Variants in BLOC1S2 observed in about 807,000 individuals in gnomAD.
BLOC1S2 encodes biogenesis of lysosomal organelles complex 1 subunit 2.
In BLOC1S2, 12 loss-of-function variants were observed where a neutral mutation model predicts 19.6. The ratio of observed to expected loss-of-function variants is 0.61; its 90% CI spans 0.39 to 0.99. The LOEUF (loss-of-function observed/expected upper bound fraction) is 0.99, where lower values mean the gene tolerates loss of function less well. Ranked by LOEUF, BLOC1S2 falls within the 50% of genes least tolerant of loss-of-function variation. The pLI is 0.00. For missense variants in BLOC1S2, 142 were observed against 171.0 expected (o/e 0.83, Z 0.95); for synonymous variants, 66 against 64.1 (o/e 1.03, Z -0.14).
chr10:100,282,166 C>T (rs1848125533), intron 2 of BLOC1S2, among the ~76,000 whole-genome samples: 1 of 152,174 alleles, frequency 6.6e-6, no homozygotes, highest in Non-Finnish European at 1.5e-5. Context: ...CTGGCACCTT[C>T]CTCTCTATGT....
chr10:100,279,900 C>G (rs532545170), intron 4 of BLOC1S2: 3 of 302,798 alleles, frequency 9.9e-6, no homozygotes, highest in Non-Finnish European at 1.8e-5. Context: ...AAACCAAAAA[C>G]AAAAACCAAA....
chr10:100,277,563 C>T (rs1847940577), intron 4 of BLOC1S2, among the ~76,000 whole-genome samples: 1 of 110,174 alleles, frequency 9.1e-6, no homozygotes. Context: ...GTGGGGGGGT[C>T]AGCCCCCCGC....
At chr10:100,276,980 G>A (rs1341758004) in intron 4 of BLOC1S2, among the ~76,000 whole-genome samples, 77 of 151,702 alleles carry the variant, frequency 5.1e-4, no homozygotes, top group African/African-American at 1.5e-3. Flanking sequence ...TGGGATGTGA[G>A]GAGCCCCTCT....
At chr10:100,282,359 T>C (rs1848130465) in intron 2 of BLOC1S2, among the ~76,000 whole-genome samples, 1 of 152,208 alleles carries the variant, frequency 6.6e-6, no homozygotes, top group African/African-American at 2.4e-5. Context: ...TTTTTGGCCC[T>C]ACCATCCAGA....
intron 4 of BLOC1S2, 182 bp downstream of exon 4, chr10:100,279,942 C>G (rs1848060486): frequency 7.4e-6 from 3 of 403,256 alleles, no homozygotes; most frequent in Non-Finnish European, 1.3e-5. Flanking sequence ...AGAACAGTGC[C>G]TGATATATCA....
At position 100,274,184 on chromosome 10, in the gene BLOC1S2, G is replaced by A. The variant is rs916290083; in HGVS notation, c.*1278C>T. 2 of 152,144 alleles carry A rather than the reference G, an allele frequency of 1.3e-5. No individual in the cohort carries two copies. Among genetic ancestry groups the A allele is most frequent in the Non-Finnish European group, 2.9e-5 (2 of 68,048 alleles). The allele number at this position is 152,144 out of a possible 1,614,324, so 9.4% of individuals were successfully genotyped here. ...AGGTGGGAAGATCAGTTGAGCCTAG[G>A]AGGTCAAGGTGAGCTATTATCACAC... On this transcript the variant is annotated 3_prime_UTR_variant, in exon 5 of 5. Transcript: ENST00000370372.
rs2134343211 is a variant in BLOC1S2 at position 100,273,480 on chromosome 10, G to A, written c.*1982C>T. Reference sequence around the variant, plus strand: ...AAAGTTTATGAAAACTCATCCATGGGAATTTAAGGTGGCTGAAGATAGCTG... The same window carrying A: ...AAAGTTTATGAAAACTCATCCATGGAAATTTAAGGTGGCTGAAGATAGCTG... On this transcript the variant is annotated 3_prime_UTR_variant, in exon 5 of 5. Transcript: ENST00000370372. 1 of 152,230 alleles carries A rather than the reference G, an allele frequency of 6.6e-6. No homozygotes were observed. The highest frequency in any genetic ancestry group is 3.4e-3 in the Middle Eastern group (1 of 294). The allele number at this position is 152,230 out of a possible 1,614,324, so 9.4% of individuals were successfully genotyped here.
intron 4 of BLOC1S2, 57 bp from the exon 5 acceptor site, chr10:100,275,550 T>C (rs1374262819): frequency 4.1e-5 from 62 of 1,496,822 alleles, no homozygotes; most frequent in Non-Finnish European, 5.7e-5. Context: ...AAAGACAGTT[T>C]TTAGTTAGCA....
intron 4 of BLOC1S2, among the ~76,000 whole-genome samples, chr10:100,277,438 C>A (rs1318739737): frequency 6.8e-6 from 1 of 147,026 alleles, no homozygotes; most frequent in Non-Finnish European, 1.5e-5. Flanking sequence ...CAGCCAGCCA[C>A]CCCGTCCGGG....
chr10:100,278,312 A>G (rs1847998552), intron 4 of BLOC1S2, among the ~76,000 whole-genome samples: 2 of 151,694 alleles, frequency 1.3e-5, no homozygotes, highest in South Asian at 2.1e-4. Context: ...CTGCCCGGCC[A>G]CCACCCCGTC....
intron 2 of BLOC1S2, among the ~76,000 whole-genome samples, chr10:100,284,634 G>A (rs551734365): frequency 2.0e-5 from 3 of 152,240 alleles, no homozygotes; most frequent in Non-Finnish European, 2.9e-5. Flanking sequence ...GGGATTATAG[G>A]CGTGTGCCAC....
At chr10:100,277,024 C>T (rs1181301592) in intron 4 of BLOC1S2, among the ~76,000 whole-genome samples, 1 of 150,210 alleles carries the variant, frequency 6.7e-6, no homozygotes, top group African/African-American at 2.5e-5. Context: ...TGAGGAGCGT[C>T]TCTGCCCGGC....
At chr10:100,281,705 T>TATATACACACAC (rs1370530311) in intron 2 of BLOC1S2, among the ~76,000 whole-genome samples, 10 of 69,820 alleles carry the variant, frequency 1.4e-4, no homozygotes, top group South Asian at 3.1e-4. Context: ...TATATATATA[T>TATATACACACAC]ACACATACAC....
intron 2 of BLOC1S2, 60 bp from the exon 3 acceptor site, chr10:100,281,113 G>A (rs1848091334): frequency 6.3e-7 from 1 of 1,587,634 alleles, no homozygotes; most frequent in Non-Finnish European, 8.6e-7. Context: ...ATTAGAATGT[G>A]GGAGTATAAG....
chr10:100,286,530 A>G, intron 1 of BLOC1S2, 75 bp downstream of exon 1: 3 of 1,583,940 alleles, frequency 1.9e-6, no homozygotes, highest in South Asian at 2.3e-5. Context: ...GAGCCACCAC[A>G]CACTCAACCT....
chr10:100,278,928 T>A (rs12254005), intron 4 of BLOC1S2, among the ~76,000 whole-genome samples: 77,738 of 151,652 alleles, frequency 0.51, 20,744 homozygotes, highest in African/African-American at 0.65. Flanking sequence ...TCAAAAACAA[T>A]TTTTTTAAAG....
chr10:100,285,750 C>T (rs144961590), intron 2 of BLOC1S2, among the ~76,000 whole-genome samples: 1 of 152,192 alleles, frequency 6.6e-6, no homozygotes, highest in Non-Finnish European at 1.5e-5. Context: ...TTTAGCCAAA[C>T]ACACTGCTTG....
intron 2 of BLOC1S2, among the ~76,000 whole-genome samples, chr10:100,282,517 C>G (rs1848134931): frequency 6.6e-6 from 1 of 152,130 alleles, no homozygotes; most frequent in Non-Finnish European, 1.5e-5. Context: ...GCTGCTATGG[C>G]ATTGTACTAC....
Position 100,275,035 on chromosome 10 carries a change from T to C in BLOC1S2, c.*427A>G, listed in dbSNP as rs1847817486. On this transcript the variant is annotated 3_prime_UTR_variant, in exon 5 of 5. Coordinates refer to ENST00000370372, the MANE Select transcript of BLOC1S2 (RefSeq NM_173809.5). ...TTTGTTTTCCTTTTTAAATTTAGAA[T>C]CTTGTTTACAACACATTAGCATCAT... 2 of 399,042 alleles carry C rather than the reference T, an allele frequency of 5.0e-6. No homozygotes were observed. 24.7% of individuals were successfully genotyped at this position (399,042 alleles called of 1,614,324 possible).
Sources: allele counts gnomAD v4.1 joint callset (sites outside exome capture counted in the v4.1 genomes callset), GRCh38; gene constraint gnomAD v4.1.1; transcripts MANE v1.5; gene names NCBI Gene and HGNC (gene_info 2026-07-23, HGNC 2026-07-21).